The following CSE1L variants were observed in gnomAD, a reference collection of about 807,000 sequenced individuals.
The protein encoded by CSE1L is chromosome segregation 1 like.
A neutral mutation model predicts 120.4 loss-of-function variants in CSE1L; 24 were observed. The observed-to-expected ratio is 0.20, with a 90% confidence interval of 0.14 to 0.28. CSE1L has a LOEUF of 0.28. Among genes scored for constraint, CSE1L ranks in the 10% least tolerant of loss-of-function variants. The pLI is 1.00. For missense variants in CSE1L, 830 were observed against 1,145.2 expected, an observed-to-expected ratio of 0.72 and a Z score of 3.97; for synonymous variants, 402 against 398.3, an observed-to-expected ratio of 1.01 and a Z score of -0.11.
intron 14 of CSE1L, among the ~76,000 whole-genome samples, chr20:49,081,218 A>T (rs1463501330): frequency 1.3e-5 from 2 of 152,122 alleles, no homozygotes; most frequent in Non-Finnish European, 2.9e-5. Context: ...TCCTGACCTC[A>T]GGTGATCCAC....
intron 14 of CSE1L, among the ~76,000 whole-genome samples, chr20:49,081,975 C>G (rs1456037837): frequency 4.6e-5 from 7 of 152,314 alleles, no homozygotes; most frequent in South Asian, 4.1e-4. Context: ...GTCCCTTTCT[C>G]TCTATAGGTA....
chr20:49,096,510 T>TA lies in CSE1L; in HGVS notation c.*76dup. ...CACAGGCTTCTGAGCACAGCTGCAT[T>TA]AAAACAAAGGAAGTTCTCCTTTTGA... On this transcript the variant is annotated 3_prime_UTR_variant, in exon 25 of 25. Transcript: ENST00000262982. The TA allele has an allele frequency of 8.8e-7, 1 of 1,142,118 alleles. No individual in the cohort carries two copies. Among genetic ancestry groups the TA allele is most frequent in the Non-Finnish European group, 1.3e-6 (1 of 757,988 alleles). 70.7% of individuals were successfully genotyped at this position (1,142,118 alleles called of 1,614,324 possible).
intron 21 of CSE1L, among the ~76,000 whole-genome samples, chr20:49,091,425 CAA>C (rs566370376): frequency 1.5e-5 from 2 of 137,724 alleles, no homozygotes; most frequent in Non-Finnish European, 1.6e-5. Context: ...GACCCTGTCT[CAA>C]AAAAAAAAAA....
chr20:49,067,727 A>C (rs1298534492), intron 6 of CSE1L, among the ~76,000 whole-genome samples: 2 of 151,544 alleles, frequency 1.3e-5, no homozygotes, highest in Non-Finnish European at 2.9e-5. Context: ...ATATATATAT[A>C]CTTTTTTTCT....
intron 6 of CSE1L, among the ~76,000 whole-genome samples, chr20:49,068,110 C>G (rs1361050230): frequency 2.0e-5 from 3 of 151,864 alleles, no homozygotes; most frequent in African/African-American, 7.3e-5. Context: ...ACCTAAATAC[C>G]AAGTGGCAGA....
At chr20:49,085,470 T>C in intron 16 of CSE1L, 84 bp downstream of exon 16, 1 of 889,400 alleles carries the variant, frequency 1.1e-6, no homozygotes, top group Non-Finnish European at 1.8e-6. Flanking sequence ...CTTCAGGTTA[T>C]ACAGTCTATG....
chr20:49,070,272 T>G lies in CSE1L; in HGVS notation c.743T>G (p.Leu248Trp). ...AATAATTTTCATACTCTCTTAACAT[T>G]GGATAATAAGCTTTTACAAACTGAT... is the stretch of plus-strand genomic sequence containing the variant. ...WMNNFHTLLT[L>W]DNKLLQTDDE... is the part of the protein sequence containing the mutation. Residue 248 changes from leucine to tryptophan, a missense_variant, in exon 8 of 25, where the codon TTG becomes TGG. Physicochemically the swap from Leu to Trp is moderately conservative, Grantham distance 61. Coordinates refer to ENST00000262982, the MANE Select transcript of CSE1L (RefSeq NM_001316.4). 6.9e-7 allele frequency: 1 copy of G among 1,439,456 alleles called. No individual in the cohort carries two copies. The allele number at this position is 1,439,456 out of a possible 1,614,324, so 89.2% of individuals were successfully genotyped here. A position where few individuals can be genotyped will look rare whatever the true frequency, so the allele number is the denominator to read the frequency against.
Position 49,069,407 on chromosome 20 carries a change from G to A in CSE1L, c.675+585G>A, listed in dbSNP as rs531694239. Among the ~76,000 whole-genome samples the A allele has an allele frequency of 2.7e-4, 41 of 152,292 alleles. No homozygotes were observed. The Middle Eastern group carries it at 0.01, about 38-fold the overall frequency. ...TCTTAATCATTAATTCAAGATTCAG[G>A]ACCAAGAAAGGGGTGTTAATTGGTA... is the stretch of plus-strand genomic sequence containing the variant. On this transcript the variant is annotated intron_variant, in intron 7 of 24. Coordinates refer to ENST00000262982, the MANE Select transcript of CSE1L (RefSeq NM_001316.4).
intron 6 of CSE1L, among the ~76,000 whole-genome samples, chr20:49,067,928 C>CTTTTTTTTTTTTTTTTTT (rs10567768): frequency 2.5e-5 from 2 of 78,482 alleles, no homozygotes; most frequent in Non-Finnish European, 4.5e-5. Flanking sequence ...TTCCCTCTCT[C>CTTTTTTTTTTTTTTTTTT]TTTTTTTTTT....
chr20:49,058,854 G>A (rs1379290031), intron 2 of CSE1L, among the ~76,000 whole-genome samples: 3 of 152,068 alleles, frequency 2.0e-5, no homozygotes, highest in East Asian at 1.9e-4. Context: ...GCTTTAGGCC[G>A]GATGCGGTGG....
intron 24 of CSE1L, 88 bp from the exon 25 acceptor site, chr20:49,096,261 A>C: frequency 2.9e-6 from 3 of 1,040,984 alleles, no homozygotes; most frequent in Non-Finnish European, 4.5e-6. Flanking sequence ...CTCTTCCCAG[A>C]GCTGTGGCAG....
chr20:49,079,432 T>C (rs1377801772), intron 14 of CSE1L, among the ~76,000 whole-genome samples: 1 of 146,040 alleles, frequency 6.8e-6, no homozygotes, highest in Non-Finnish European at 1.5e-5. Flanking sequence ...TTCCCCATGT[T>C]GGCCAAGCTG....
chr20:49,056,410 A>G (rs560890334), intron 1 of CSE1L, among the ~76,000 whole-genome samples: 1 of 152,258 alleles, frequency 6.6e-6, no homozygotes, highest in African/African-American at 2.4e-5. Flanking sequence ...AGCCTAAAAT[A>G]GCTTTATTGA....
intron 2 of CSE1L, 50 bp from the exon 3 acceptor site, chr20:49,063,139 TTTGATATATATAA>T: frequency 2.3e-6 from 2 of 872,924 alleles, no homozygotes; most frequent in Non-Finnish European, 3.2e-6. Flanking sequence ...TATATATATA[TTTGATATATATAA>T]GGTGGAAAGA....
chr20:49,063,992 T>C (rs1284172525), intron 3 of CSE1L, among the ~76,000 whole-genome samples: 2 of 152,230 alleles, frequency 1.3e-5, no homozygotes, highest in Non-Finnish European at 2.9e-5. Context: ...TTTTTTTCCT[T>C]AGCTTAGGAC....
At chr20:49,064,693 AC>A (rs2091877526) in intron 3 of CSE1L, among the ~76,000 whole-genome samples, 1 of 152,118 alleles carries the variant, frequency 6.6e-6, no homozygotes, top group Admixed American at 6.6e-5. Context: ...AGCTTGGGCA[AC>A]AGTGCCAGAC....
intron 5 of CSE1L, 68 bp from the exon 6 acceptor site, chr20:49,067,122 C>T: frequency 3.4e-6 from 3 of 883,292 alleles, no homozygotes; most frequent in South Asian, 3.3e-5. Flanking sequence ...CAGCATCTCT[C>T]CTTGAAGACC....
chr20:49,057,614 G>A (rs1309405411), intron 1 of CSE1L, among the ~76,000 whole-genome samples: 1 of 151,952 alleles, frequency 6.6e-6, no homozygotes, highest in East Asian at 1.9e-4. Context: ...TACCATGCCT[G>A]GCTAATTTTT....
intron 22 of CSE1L, among the ~76,000 whole-genome samples, 199 bp downstream of exon 22, chr20:49,092,326 C>G (rs976038802): frequency 6.6e-6 from 1 of 151,904 alleles, no homozygotes; most frequent in Non-Finnish European, 1.5e-5. Flanking sequence ...CCCGTAATCC[C>G]ACACTCTGAG....
Sources: allele counts gnomAD v4.1 joint callset (sites outside exome capture counted in the v4.1 genomes callset), GRCh38; gene constraint gnomAD v4.1.1; transcripts MANE v1.5; gene names NCBI Gene and HGNC (gene_info 2026-07-23, HGNC 2026-07-21).